Variants in ENTREP2 observed in about 807,000 individuals in gnomAD.
The protein encoded by ENTREP2 is endosomal transmembrane epsin interactor 2.
At chr15:29,302,162 A>T in the ENTREP2 span, among the ~76,000 whole-genome samples, 2 of 152,148 alleles carry the variant, frequency 1.3e-5, no homozygotes, top group Non-Finnish European at 2.9e-5. Flanking sequence ...AATATCTGAT[A>T]TGACAGTCGA....
the ENTREP2 span, among the ~76,000 whole-genome samples, chr15:29,475,816 C>T: frequency 6.6e-6 from 1 of 152,200 alleles, no homozygotes; most frequent in South Asian, 2.1e-4. Context: ...CCTCTCCAGG[C>T]AGGCCTTCCC....
At chr15:29,528,018 T>A in the ENTREP2 span, among the ~76,000 whole-genome samples, 1 of 152,112 alleles carries the variant, frequency 6.6e-6, no homozygotes, top group Admixed American at 6.6e-5. Flanking sequence ...CGTGCATTCA[T>A]CCATTTGGCA....
At chr15:29,453,284 G>A in the ENTREP2 span, among the ~76,000 whole-genome samples, 3 of 152,320 alleles carry the variant, frequency 2.0e-5, no homozygotes, top group African/African-American at 2.4e-5. Flanking sequence ...TGCAAGGCAC[G>A]GCAGGACAAT....
chr15:29,323,578 C>A, the ENTREP2 span, among the ~76,000 whole-genome samples: 2 of 152,112 alleles, frequency 1.3e-5, no homozygotes, highest in Non-Finnish European at 2.9e-5. Flanking sequence ...AAAGAGAAGG[C>A]TGTGGGAACC....
At chr15:29,633,995 G>C in the ENTREP2 span, among the ~76,000 whole-genome samples, 2 of 152,082 alleles carry the variant, frequency 1.3e-5, no homozygotes, top group Admixed American at 1.3e-4. Context: ...TTCATGAGGG[G>C]CTCACTGCTC....
At chr15:29,633,939 G>A in the ENTREP2 span, among the ~76,000 whole-genome samples, 1 of 151,968 alleles carries the variant, frequency 6.6e-6, no homozygotes, top group Non-Finnish European at 1.5e-5. Context: ...AGCCTGGGTG[G>A]AGACTTCATC....
chr15:29,514,283 C>G, the ENTREP2 span, among the ~76,000 whole-genome samples: 1 of 152,312 alleles, frequency 6.6e-6, no homozygotes, highest in East Asian at 1.9e-4. Context: ...TCTCTAGGTG[C>G]CTCGTATGAG....
chr15:29,674,137 G>GA, the ENTREP2 span, among the ~76,000 whole-genome samples: 1 of 148,930 alleles, frequency 6.7e-6, no homozygotes. Context: ...ATGGGGGGGG[G>GA]GGGGGGCTTT....
At chr15:29,666,529 T>C in the ENTREP2 span, among the ~76,000 whole-genome samples, 7 of 152,058 alleles carry the variant, frequency 4.6e-5, no homozygotes, top group Admixed American at 1.3e-4. Flanking sequence ...CAAGCTAGAC[T>C]ATTTTGATCA....
chr15:29,329,642 A>G, the ENTREP2 span, among the ~76,000 whole-genome samples: 1 of 152,176 alleles, frequency 6.6e-6, no homozygotes, highest in East Asian at 1.9e-4. Context: ...CAATTTGCCC[A>G]TGGACTAGGG....
chr15:29,293,964 G>A, the ENTREP2 span, among the ~76,000 whole-genome samples: 1 of 152,196 alleles, frequency 6.6e-6, no homozygotes, highest in Non-Finnish European at 1.5e-5. Flanking sequence ...TGTCTGGGAA[G>A]AGGAGCTGGG....
At chr15:29,635,005 C>T in the ENTREP2 span, among the ~76,000 whole-genome samples, 6 of 152,282 alleles carry the variant, frequency 3.9e-5, no homozygotes, top group Middle Eastern at 3.4e-3. Context: ...CCACCACACC[C>T]GGCTATTCTT....
the ENTREP2 span, among the ~76,000 whole-genome samples, chr15:29,377,482 G>A: frequency 1.5e-4 from 23 of 152,208 alleles, 1 homozygote; most frequent in South Asian, 4.8e-3. Context: ...ACCTGCCCTA[G>A]AATGGTGGCT....
chr15:29,620,552 C>T, the ENTREP2 span, among the ~76,000 whole-genome samples: 2 of 152,006 alleles, frequency 1.3e-5, no homozygotes, highest in African/African-American at 4.8e-5. Flanking sequence ...GCAGGAGGAT[C>T]ATTTGAGCTC....
the ENTREP2 span, among the ~76,000 whole-genome samples, chr15:29,332,087 G>A: frequency 1.3e-5 from 2 of 152,156 alleles, no homozygotes; most frequent in Non-Finnish European, 2.9e-5. Context: ...AAAGTGCACT[G>A]CTCAATAGGC....
the ENTREP2 span, among the ~76,000 whole-genome samples, chr15:29,242,044 T>C: frequency 6.6e-6 from 1 of 152,164 alleles, no homozygotes; most frequent in Non-Finnish European, 1.5e-5. Context: ...CCCTGGACCC[T>C]GTCTCTAAAA....
chr15:29,551,335 A>G, the ENTREP2 span, among the ~76,000 whole-genome samples: 3 of 152,236 alleles, frequency 2.0e-5, no homozygotes, highest in Non-Finnish European at 2.9e-5. Flanking sequence ...ATGCTGAGCG[A>G]TGGTCACAGA....
chr15:29,169,866 A>G, the ENTREP2 span, among the ~76,000 whole-genome samples: 2 of 152,246 alleles, frequency 1.3e-5, no homozygotes, highest in African/African-American at 4.8e-5. Context: ...AGTCATTGGA[A>G]GAAGACAGGC....
chr15:29,125,454 C>T, the ENTREP2 span, among the ~76,000 whole-genome samples: 73 of 152,220 alleles, frequency 4.8e-4, no homozygotes, highest in African/African-American at 1.5e-3. Flanking sequence ...CTGGCCACTG[C>T]GGGCTCTGGT....
Sources: allele counts gnomAD v4.1 joint callset (sites outside exome capture counted in the v4.1 genomes callset), GRCh38; gene constraint gnomAD v4.1.1; transcripts MANE v1.5; gene names NCBI Gene and HGNC (gene_info 2026-07-23, HGNC 2026-07-21).